The following CENPF variants were observed in gnomAD, a reference collection of about 807,000 sequenced individuals.
CENPF encodes centromere protein F.
A neutral mutation model predicts 307.3 loss-of-function variants in CENPF; 214 were observed. The observed-to-expected ratio is 0.70, with a 90% CI of 0.62 to 0.78. The LOEUF is 0.78. Ranked by LOEUF, CENPF falls within the 30% of genes least tolerant of loss-of-function variation. The pLI is 0.00. For synonymous variants in CENPF, 1,259 were observed against 1,270.6 expected (o/e 0.99, Z 0.19); for missense variants, 3,401 against 3,483.9 (o/e 0.98, Z 0.60).
chr1:214,659,365 ATTGT>A lies in CENPF; in HGVS notation c.9141+344_9141+347del, dbSNP rs1173482171. ...TTCCCTTTCGCCACTGGTATTAGTC[ATTGT>A]TTGTTTCAAACTTTACTCTCACTTA... On this transcript the variant is annotated intron_variant, in intron 19 of 19. Coordinates refer to ENST00000366955, the MANE Select transcript of CENPF (RefSeq NM_016343.4). The surrounding 1 kb of genome is among the most constrained non-coding windows in gnomAD (Gnocchi z 4.4). Among the ~76,000 whole-genome samples, 5 of 151,874 alleles carry A rather than the reference ATTGT, an allele frequency of 3.3e-5. No homozygotes were observed. Among genetic ancestry groups the A allele is most frequent in the African/African-American group, 7.3e-5 (3 of 41,336 alleles).
rs947647974 is a variant in CENPF at position 214,630,791 on chromosome 1, A to C, written c.1323+129A>C. ...GCTCCACCTTCACTTTCCCTATCAA[A>C]GTGGAGAATGTACAGAACCATTCTG... On this transcript the variant is annotated intron_variant, in intron 9 of 19. Coordinates refer to ENST00000366955, the MANE Select transcript of CENPF (RefSeq NM_016343.4). 1.6e-5 allele frequency: 19 copies of C among 1,208,778 alleles called. No individual in the cohort carries two copies. The Admixed American group carries it at 3.6e-4, about 23-fold the overall frequency. The allele number at this position is 1,208,778 out of a possible 1,614,324, so 74.9% of individuals were successfully genotyped here.
chr1:214,655,155 T>C, intron 16 of CENPF, 86 bp from the exon 17 acceptor site: 1 of 807,396 alleles, frequency 1.2e-6, no homozygotes, highest in Non-Finnish European at 1.8e-6. Context: ...ATTTACAATA[T>C]ATGAATCTTA....
rs925223168 is a variant in CENPF at position 214,622,132 on chromosome 1, G to A, written c.919G>A (p.Glu307Lys). 3.7e-6 allele frequency: 6 copies of A among 1,614,008 alleles called. No homozygotes were observed. Among genetic ancestry groups the A allele is most frequent in the South Asian group, 1.1e-5 (1 of 91,070 alleles). Residue 307 changes from glutamate to lysine, a missense_variant, in exon 7 of 20, where the codon GAA becomes AAA. Transcript: ENST00000366955. ...LELRLQGHEK[E>K]MKGQVNKFQE... ...ACTACGCCTGCAAGGACATGAAAAA[G>A]AAATGAAAGGCCAAGTGAATAAGTT...
chr1:214,641,245 T>A lies in CENPF; in HGVS notation c.2907T>A (p.Ile969=), dbSNP rs1658104267. Residue 969 remains isoleucine, a synonymous_variant, in exon 12 of 20, where the codon ATT becomes ATA. Transcript: ENST00000366955. Reference sequence around the variant, plus strand: ...TCATTTCTCTAAATAAAAGGGAAATTGAAGAGCTGACCCAAGAGAATGGGA... The same window carrying A: ...TCATTTCTCTAAATAAAAGGGAAATAGAAGAGCTGACCCAAGAGAATGGGA... ...SSIISLNKRE[I]EELTQENGTL... is the part of the protein sequence containing the mutation. The A allele has an allele frequency of 3.1e-6, 5 of 1,601,598 alleles. No homozygotes were observed. The Admixed American group carries it at 8.8e-5, about 28-fold the overall frequency.
In CENPF at chr1:214,644,622, A is replaced by G. The variant is rs746423845; in HGVS notation, c.5052A>G (p.Arg1684=). 1.9e-6 allele frequency: 3 copies of G among 1,613,892 alleles called. No individual in the cohort carries two copies. The highest frequency in any genetic ancestry group is 2.2e-5 in the South Asian group (2 of 91,054). The change falls in exon 13 of 20, where the codon AGA becomes AGG. Residue 1684 remains arginine, a synonymous_variant. Transcript: ENST00000366955. ...SKEHTSETTE[R]TPKHDVHQIC... ...AACATACTTCAGAAACTACAGAAAG[A>G]ACACCAAAGCATGATGTTCATCAGA...
chr1:214,661,900 A>G (rs1199951620), intron 19 of CENPF, among the ~76,000 whole-genome samples: 1 of 149,856 alleles, frequency 6.7e-6, no homozygotes, highest in Non-Finnish European at 1.5e-5. Context: ...CCCCTGTGTT[A>G]TTCTAGGAGG....
chr1:214,631,147 T>C (rs1657797236), intron 9 of CENPF, among the ~76,000 whole-genome samples: 1 of 152,248 alleles, frequency 6.6e-6, no homozygotes, highest in Admixed American at 6.5e-5. Context: ...AGGCACTTCA[T>C]AGTAACATGC....
At position 214,649,493 on chromosome 1, in the gene CENPF, T is replaced by C. The variant is rs149919618; in HGVS notation, c.7983+666T>C. On this transcript the variant is annotated intron_variant, in intron 14 of 19. Transcript: ENST00000366955. Reference sequence around the variant, plus strand: ...CTCATGCAACTTCATCCCTGAGTAGTATTTAAAGAACAGCAAAATAAGATA... The same window carrying C: ...CTCATGCAACTTCATCCCTGAGTAGCATTTAAAGAACAGCAAAATAAGATA... Among the ~76,000 whole-genome samples the C allele has an allele frequency of 2.0e-4, 30 of 152,342 alleles. No individual in the cohort carries two copies. The East Asian group carries it at 4.4e-3, about 23-fold the overall frequency.
At chr1:214,619,473 T>C (rs1657448540) in intron 5 of CENPF, among the ~76,000 whole-genome samples, 1 of 152,186 alleles carries the variant, frequency 6.6e-6, no homozygotes, top group Non-Finnish European at 1.5e-5. Flanking sequence ...CACTTAATTA[T>C]TTCCCTATTA....
Position 214,640,590 on chromosome 1 carries a change from G to A in CENPF, c.2252G>A (p.Arg751Gln), listed in dbSNP as rs77399701. 22 of 1,613,884 alleles carry A rather than the reference G, an allele frequency of 1.4e-5. No individual in the cohort carries two copies. The highest frequency in any genetic ancestry group is 4.4e-5 in the South Asian group (4 of 91,064). ...TCAAATGAAATAATGGACAAAGACC[G>A]GTGTTACCAAGACTTGCATGCCGAA... ...LLSNEIMDKD[R>Q]CYQDLHAEYE... The change falls in exon 12 of 20, where the codon CGG becomes CAG. Residue 751 changes from arginine (R) to glutamine (Q), a missense_variant. By Grantham distance (43) the Arg-to-Gln change is conservative (BLOSUM62 1). Transcript: ENST00000366955.
At chr1:214,617,503 G>A (rs898580150) in intron 3 of CENPF, among the ~76,000 whole-genome samples, 1 of 152,010 alleles carries the variant, frequency 6.6e-6, no homozygotes, top group Non-Finnish European at 1.5e-5. Flanking sequence ...TTTTAATGTG[G>A]GTTTTTTGGT....
rs867277146 is a variant in CENPF at position 214,640,611 on chromosome 1, C to T, written c.2273C>T (p.Ala758Val). The change falls in exon 12 of 20, where the codon GCC (alanine) becomes GTC (valine). Residue 758 changes from alanine (A) to valine (V), a missense_variant. By Grantham distance (64) the Ala-to-Val change is moderately conservative (BLOSUM62 0). Transcript: ENST00000366955. ...GACCGGTGTTACCAAGACTTGCATG[C>T]CGAATATGAGAGCCTCAGGGATCTG... ...DKDRCYQDLH[A>V]EYESLRDLLK... The T allele has an allele frequency of 1.2e-6, 2 of 1,614,046 alleles. No homozygotes were observed. Among genetic ancestry groups the T allele is most frequent in the Non-Finnish European group, 8.5e-7 (1 of 1,179,960 alleles).
chr1:214,624,451 A>G (rs1657598832), intron 7 of CENPF, among the ~76,000 whole-genome samples: 1 of 152,214 alleles, frequency 6.6e-6, no homozygotes, highest in South Asian at 2.1e-4. Flanking sequence ...AATTTTTAAA[A>G]TAGTTATAGA....
chr1:214,663,004 A>G (rs1481745733), intron 19 of CENPF, among the ~76,000 whole-genome samples: 7 of 152,096 alleles, frequency 4.6e-5, no homozygotes, highest in Non-Finnish European at 4.4e-5. Flanking sequence ...TAAAGTCTCA[A>G]ATTTTCTGAG....
intron 1 of CENPF, chr1:214,608,619 G>C: frequency 6.2e-7 from 1 of 1,606,468 alleles, no homozygotes; most frequent in Non-Finnish European, 8.5e-7. Context: ...ACTGGAAGTC[G>C]GCGCGCTCCG....
chr1:214,609,237 GTA>G (rs1657135710), intron 1 of CENPF, among the ~76,000 whole-genome samples: 1 of 152,192 alleles, frequency 6.6e-6, no homozygotes, highest in Non-Finnish European at 1.5e-5. Context: ...AGGTTGTACT[GTA>G]TATGTCTTTC....
rs767938441 is a variant in CENPF at position 214,642,102 on chromosome 1, C to G, written c.3764C>G (p.Ser1255Ter). ...ACCAGCAATTTGCAAGACATGCAGTCACAAGAAATTAGTGGCCTTAAAGAC... is the reference window on the plus strand; with the variant it reads ...ACCAGCAATTTGCAAGACATGCAGTGACAAGAAATTAGTGGCCTTAAAGAC... ...LETSNLQDMQSQEISGLKDCE... is the reference protein window; with the variant it reads ...LETSNLQDMQ Residue 1255 changes from serine (S) to a stop codon, truncating the protein, a stop_gained, in exon 12 of 20, where the codon TCA (serine) becomes TGA (stop). Coordinates refer to ENST00000366955, the MANE Select transcript of CENPF (RefSeq NM_016343.4). LOFTEE classifies it high-confidence loss of function. The G allele has an allele frequency of 1.2e-6, 2 of 1,611,934 alleles. No homozygotes were observed. Among genetic ancestry groups the G allele is most frequent in the Non-Finnish European group, 1.7e-6 (2 of 1,179,372 alleles).
chr1:214,658,558 A>T (rs558860235), intron 18 of CENPF, among the ~76,000 whole-genome samples: 2 of 152,226 alleles, frequency 1.3e-5, no homozygotes, highest in East Asian at 3.9e-4. Context: ...AAAATAAAAC[A>T]TCTACATAGA....
intron 16 of CENPF, 41 bp downstream of exon 16, chr1:214,653,030 A>G (rs1658532242): frequency 6.5e-7 from 1 of 1,531,886 alleles, no homozygotes; most frequent in Non-Finnish European, 9.0e-7. Context: ...CGAATGGTTT[A>G]TACAGGTGGT....
Sources: gnomAD v4.1 joint callset for allele counts (sites outside exome capture counted in the v4.1 genomes callset) on GRCh38, gnomAD v4.1.1 for gene constraint, Gnocchi (gnomAD v3.1) non-coding constraint, MANE v1.5 for transcripts, NCBI Gene and HGNC (gene_info 2026-07-23, HGNC 2026-07-21) for gene names.